The following LPIN1 variants were observed in gnomAD, a reference collection of about 807,000 sequenced individuals.
LPIN1 encodes the protein lipin 1, also known as phosphatidate phosphatase LPIN1.
A neutral mutation model predicts 107.5 loss-of-function variants in LPIN1; 71 were observed. The observed-to-expected ratio is 0.66, with a 90% CI of 0.55 to 0.80. LPIN1 has a LOEUF of 0.80. Ranked by LOEUF, LPIN1 falls within the 30% of genes least tolerant of loss-of-function variation. LPIN1 has a pLI of 0.00. For missense variants in LPIN1, 1,043 were observed against 1,160.6 expected (o/e 0.90, Z 1.47); for synonymous variants, 445 against 452.6 (o/e 0.98, Z 0.21).
At chr2:11,812,439 C>T (rs967650603) in intron 17 of LPIN1, among the ~76,000 whole-genome samples, 32 of 151,376 alleles carry the variant, frequency 2.1e-4, no homozygotes, top group Non-Finnish European at 2.8e-4. Flanking sequence ...TGTGTTTCAT[C>T]GCATGGGGGA....
At chr2:11,768,537 T>G (rs921548350) in intron 3 of LPIN1, among the ~76,000 whole-genome samples, 7 of 152,198 alleles carry the variant, frequency 4.6e-5, no homozygotes, top group Admixed American at 1.3e-4. Flanking sequence ...TGTTTCAAGG[T>G]TCATCCAGGT....
chr2:11,707,606 G>T lies in LPIN1; in HGVS notation c.82-6150G>T, dbSNP rs529789885. Reference sequence around the variant, plus strand: ...GCTGTGGAGCCATTGCTGGAGCTGCGGGAGAGAGCAGCGTGGCTGGGACTG... The same window carrying T: ...GCTGTGGAGCCATTGCTGGAGCTGCTGGAGAGAGCAGCGTGGCTGGGACTG... On this transcript the variant is annotated intron_variant, in intron 1 of 21. Transcript: ENST00000449576. This position sits in a 1 kb window ranked among gnomAD's most constrained non-coding sequence, Gnocchi z 4.2. Among the ~76,000 whole-genome samples the T allele has an allele frequency of 6.6e-6, 1 of 152,174 alleles. No individual in the cohort carries two copies. Among genetic ancestry groups the T allele is most frequent in the Admixed American group, 6.5e-5 (1 of 15,280 alleles).
chr2:11,749,135 GAA>G (rs1667410088), intron 1 of LPIN1, among the ~76,000 whole-genome samples: 1 of 152,132 alleles, frequency 6.6e-6, no homozygotes, highest in South Asian at 2.1e-4. Flanking sequence ...GGTGTGTGGG[GAA>G]AAAAGAGTTG....
chr2:11,756,678 T>G (rs1668740520), intron 1 of LPIN1, among the ~76,000 whole-genome samples: 1 of 152,230 alleles, frequency 6.6e-6, no homozygotes, highest in African/African-American at 2.4e-5. Flanking sequence ...ATTATAGGCG[T>G]GAGTGCCCGG....
At chr2:11,724,383 CGAG>C (rs1664388534) in exon 1 of LPIN1, 1 of 985,934 alleles carries the variant, frequency 1.0e-6, no homozygotes, top group South Asian at 4.7e-5. Context: ...GGATGGGAGG[CGAG>C]GAGGCAGCCT....
chr2:11,742,756 G>A (rs1007949563), upstream of LPIN1, among the ~76,000 whole-genome samples: 1 of 152,206 alleles, frequency 6.6e-6, no homozygotes, highest in Admixed American at 6.5e-5. Flanking sequence ...TTCCCAATCT[G>A]ACCAGAGGAG....
At chr2:11,751,675 A>AC (rs1182911797) in intron 1 of LPIN1, among the ~76,000 whole-genome samples, 3 of 152,024 alleles carry the variant, frequency 2.0e-5, no homozygotes, top group Non-Finnish European at 4.4e-5. Flanking sequence ...ACATGGTGAA[A>AC]CCCCGTCTCT....
chr2:11,751,963 CCT>C (rs1667862676), intron 1 of LPIN1, among the ~76,000 whole-genome samples: 1 of 152,166 alleles, frequency 6.6e-6, no homozygotes, highest in Non-Finnish European at 1.5e-5. Context: ...TATGGAGCTA[CCT>C]CTCTACCATT....
At chr2:11,708,854 A>G (rs1663261482) in intron 1 of LPIN1, among the ~76,000 whole-genome samples, 1 of 152,182 alleles carries the variant, frequency 6.6e-6, no homozygotes, top group Non-Finnish European at 1.5e-5. Context: ...AATGATGATG[A>G]TAACGAATAT....
chr2:11,804,911 C>T (rs1025715373), intron 16 of LPIN1, among the ~76,000 whole-genome samples, 159 bp from the exon 17 acceptor site: 2 of 151,806 alleles, frequency 1.3e-5, no homozygotes, highest in South Asian at 2.1e-4. Context: ...CCTGTCCCTC[C>T]GTCAGCATCA....
intron 1 of LPIN1, among the ~76,000 whole-genome samples, chr2:11,701,041 T>C (rs1272442964): frequency 6.6e-6 from 1 of 152,182 alleles, no homozygotes; most frequent in African/African-American, 2.4e-5. Flanking sequence ...CCTCACTCTG[T>C]GTTCTGGTGT....
rs556968717 is a variant in LPIN1 at position 11,815,199 on chromosome 2, C to T, written c.2361C>T (p.Pro787=). ...NERGTVLPQG[P]LLLSPSSLFS... is the part of the protein sequence containing the mutation. ...GGGGCACGGTGCTGCCCCAGGGGCC[C>T]CTGCTGCTGAGTCCCAGCAGCCTCT... The change falls in exon 18 of 21, where the codon CCC becomes CCT. Residue 787 remains proline, a synonymous_variant. Transcript: ENST00000674199. 4 of 1,614,192 alleles carry T rather than the reference C, an allele frequency of 2.5e-6. No individual in the cohort carries two copies. Among genetic ancestry groups the T allele is most frequent in the African/African-American group, 2.7e-5 (2 of 75,060 alleles).
rs367756216 is a variant in LPIN1 at position 11,765,551 on chromosome 2, G to A, written c.10G>A (p.Val4Met). 3.9e-5 allele frequency: 63 copies of A among 1,613,730 alleles called. No homozygotes were observed. Among genetic ancestry groups the A allele is most frequent in the South Asian group, 6.6e-5 (6 of 91,064 alleles). MNYVGQLAGQVFVT... is the reference protein window; with the variant it reads MNYMGQLAGQVFVT... ...TTTCCAGGTGCAGACCATGAATTACGTGGGGCAGTTAGCCGGCCAGGTGTT... is the reference window on the plus strand; with the variant it reads ...TTTCCAGGTGCAGACCATGAATTACATGGGGCAGTTAGCCGGCCAGGTGTT... The change falls in exon 2 of 21, where the codon GTG becomes ATG. Residue 4 changes from valine to methionine, a missense_variant. By Grantham distance (21) the Val-to-Met change is conservative (BLOSUM62 1). Transcript: ENST00000674199. The surrounding 1 kb of genome is among the most constrained non-coding windows in gnomAD (Gnocchi z 4.4).
intron 2 of LPIN1, among the ~76,000 whole-genome samples, chr2:11,717,166 A>G (rs1295701688): frequency 3.3e-5 from 5 of 152,178 alleles, no homozygotes; most frequent in African/African-American, 7.2e-5. Context: ...TATAGAATCA[A>G]CTGGGAAATA....
chr2:11,758,444 T>C (rs1005140415), intron 1 of LPIN1, among the ~76,000 whole-genome samples: 6 of 152,218 alleles, frequency 3.9e-5, no homozygotes, highest in Non-Finnish European at 7.3e-5. Flanking sequence ...TCTGTCTTTT[T>C]TTTTCTTAAA....
intron 1 of LPIN1, among the ~76,000 whole-genome samples, chr2:11,696,160 CCG>C (rs1662567488): frequency 6.6e-5 from 10 of 151,286 alleles, no homozygotes; most frequent in Admixed American, 6.6e-4. Context: ...ACCTAATGAC[CCG>C]TCCTCCAAGT....
intron 20 of LPIN1, among the ~76,000 whole-genome samples, chr2:11,821,375 G>A (rs150811414): frequency 2.8e-3 from 429 of 152,344 alleles, no homozygotes; most frequent in Middle Eastern, 0.02. Flanking sequence ...AAATTAGCCA[G>A]GTGTGGTGGT....
intron 1 of LPIN1, among the ~76,000 whole-genome samples, chr2:11,688,612 C>T (rs957894062): frequency 6.6e-6 from 1 of 152,182 alleles, no homozygotes; most frequent in African/African-American, 2.4e-5. Flanking sequence ...GGCGCTGTCA[C>T]GCTGAGACCC....
chr2:11,699,228 G>A (rs1213795256), intron 1 of LPIN1, among the ~76,000 whole-genome samples: 3 of 152,156 alleles, frequency 2.0e-5, no homozygotes, highest in African/African-American at 4.8e-5. Context: ...GGGTCCTCAG[G>A]AACTATTGAA....
Sources: allele counts gnomAD v4.1 joint callset (sites outside exome capture counted in the v4.1 genomes callset), GRCh38; gene constraint gnomAD v4.1.1; non-coding constraint Gnocchi (gnomAD v3.1); transcripts MANE v1.5; gene names NCBI Gene and HGNC (gene_info 2026-07-23, HGNC 2026-07-21).